The following ADGRF3 variants were observed in gnomAD, a reference collection of about 807,000 sequenced individuals.
ADGRF3 encodes G protein-coupled receptor 113.
A neutral mutation model predicts 93.2 loss-of-function variants in ADGRF3; 85 were observed. The observed-to-expected ratio is 0.91, with a 90% CI of 0.77 to 1.09. ADGRF3 has a LOEUF of 1.09. Among genes scored for constraint, ADGRF3 ranks in the 50% least tolerant of loss-of-function variants. ADGRF3 has a pLI of 0.00. For synonymous variants in ADGRF3, 534 were observed against 532.5 expected (o/e 1.00, Z -0.04); for missense variants, 1,125 against 1,246.2 (o/e 0.90, Z 1.46).
At chr2:26,344,018 T>A (rs1270608536) in intron 1 of ADGRF3, among the ~76,000 whole-genome samples, 2 of 152,246 alleles carry the variant, frequency 1.3e-5, no homozygotes, top group African/African-American at 4.8e-5. Flanking sequence ...ATCAATCATG[T>A]CATTTTGAGT....
chr2:26,319,585 T>TCTTTCTCTCCCTC (rs1675008771), intron 1 of ADGRF3, among the ~76,000 whole-genome samples: 10 of 54,508 alleles, frequency 1.8e-4, no homozygotes, highest in South Asian at 8.5e-4. Flanking sequence ...CTTCCTTCCT[T>TCTTTCTCTCCCTC]CCTTCCTTCC....
intron 1 of ADGRF3, among the ~76,000 whole-genome samples, chr2:26,341,279 G>C (rs1676381973): frequency 6.6e-6 from 1 of 152,160 alleles, no homozygotes; most frequent in African/African-American, 2.4e-5. Context: ...CTCAGAGTCT[G>C]AGGCAGGAGA....
chr2:26,321,969 CAAA>C (rs112854920), intron 1 of ADGRF3, among the ~76,000 whole-genome samples: 2 of 55,322 alleles, frequency 3.6e-5, no homozygotes, highest in African/African-American at 6.6e-5. Flanking sequence ...TGAGACTCCT[CAAA>C]AAAAAAAAAA....
chr2:26,321,157 C>A (rs1675126257), intron 1 of ADGRF3, among the ~76,000 whole-genome samples: 1 of 152,144 alleles, frequency 6.6e-6, no homozygotes, highest in Admixed American at 6.5e-5. Context: ...ACCTCCACCT[C>A]CACCTCCAAT....
In ADGRF3 at chr2:26,316,107, C is replaced by G. The variant is rs2147881182; in HGVS notation, c.499+168G>C. On this transcript the variant is annotated intron_variant, in intron 4 of 13. Coordinates refer to ENST00000651242, the MANE Select transcript of ADGRF3 (RefSeq NM_001321971.2). ...TCTCATTAGTCTCCCTACTCAGGTT[C>G]CAAGCTCAGGGCCTGTGATCTGCTA... 5.7e-6 allele frequency: 4 copies of G among 695,776 alleles called. No individual in the cohort carries two copies. The South Asian group carries it at 7.8e-5, about 14-fold the overall frequency. 43.1% of individuals were successfully genotyped at this position (695,776 alleles called of 1,614,324 possible). A position where few individuals can be genotyped will look rare whatever the true frequency, so the allele number is the denominator to read the frequency against.
At chr2:26,327,482 C>T (rs760037626) in intron 1 of ADGRF3, among the ~76,000 whole-genome samples, 9 of 151,934 alleles carry the variant, frequency 5.9e-5, no homozygotes, top group Non-Finnish European at 1.3e-4. Context: ...TCAGAAAAAC[C>T]AAGGATGCTG....
Position 26,311,678 on chromosome 2 carries a change from G to A in ADGRF3, c.1846C>T (p.Leu616=). The A allele has an allele frequency of 6.2e-7, 1 of 1,613,450 alleles. No individual in the cohort carries two copies. Among genetic ancestry groups the A allele is most frequent in the Non-Finnish European group, 8.5e-7 (1 of 1,179,826 alleles). The change falls in exon 10 of 14, where the codon CTG becomes TTG. Residue 616 remains leucine, a synonymous_variant. Coordinates refer to ENST00000651242, the MANE Select transcript of ADGRF3 (RefSeq NM_001321971.2). ...LGDSLYATPG[L]VLVISIMAGD... ...GCCATGATGGAAATGACAAGGACCA[G>A]GCCAGGAGTGGCATAGAGGGAATCC...
chr2:26,324,914 C>A (rs1675360960), intron 1 of ADGRF3, among the ~76,000 whole-genome samples: 1 of 152,218 alleles, frequency 6.6e-6, no homozygotes, highest in Admixed American at 6.5e-5. Flanking sequence ...TCCACAATGG[C>A]TGAACTAATT....
chr2:26,313,301 G>T (rs1674354384), intron 8 of ADGRF3, 76 bp downstream of exon 8: 4 of 1,442,722 alleles, frequency 2.8e-6, no homozygotes, highest in Middle Eastern at 1.9e-4. Flanking sequence ...TGGGGAAAAG[G>T]GTCTGCAAGC....
Position 26,311,520 on chromosome 2 carries a change from T to TG in ADGRF3, c.2003dup (p.Gln669ThrfsTer315), listed in dbSNP as rs756595231. 3 of 1,613,992 alleles carry TG rather than the reference T, an allele frequency of 1.9e-6. No homozygotes were observed. The highest frequency in any genetic ancestry group is 2.5e-6 in the Non-Finnish European group (3 of 1,179,890). Reference sequence around the variant, plus strand: ...CAGTGGGGCTGGCACTGGCCACCTGTGCCTGGCACCCTTCTTTGGACCAAC... The same window carrying TG: ...CAGTGGGGCTGGCACTGGCCACCTGTGGCCTGGCACCCTTCTTTGGACCAAC... On this transcript the variant is annotated frameshift_variant, in exon 10 of 14. Coordinates refer to ENST00000651242, the MANE Select transcript of ADGRF3 (RefSeq NM_001321971.2). LOFTEE classifies it high-confidence loss of function.
At chr2:26,310,007 G>C in intron 12 of ADGRF3, 36 bp downstream of exon 12, 1 of 1,614,074 alleles carries the variant, frequency 6.2e-7, no homozygotes, top group Non-Finnish European at 8.5e-7. Context: ...ACATGCTCTT[G>C]GATGCACAGC....
chr2:26,317,438 A>G, intron 2 of ADGRF3, 58 bp downstream of exon 2: 1 of 1,500,434 alleles, frequency 6.7e-7, no homozygotes, highest in Admixed American at 2.0e-5. Context: ...CTGGGTTTCC[A>G]CCTCATTCCC....
intron 1 of ADGRF3, among the ~76,000 whole-genome samples, chr2:26,330,706 T>C (rs1340646560): frequency 2.0e-5 from 3 of 152,172 alleles, no homozygotes; most frequent in Admixed American, 2.0e-4. Flanking sequence ...TCCTTCCCTC[T>C]CCTTGAGCCA....
At chr2:26,331,948 T>C (rs1266902094) in intron 1 of ADGRF3, among the ~76,000 whole-genome samples, 1 of 152,212 alleles carries the variant, frequency 6.6e-6, no homozygotes, top group African/African-American at 2.4e-5. Flanking sequence ...CTTTTTCTGC[T>C]CCTTTTTTTC....
At chr2:26,331,673 T>A (rs1675777201) in intron 1 of ADGRF3, among the ~76,000 whole-genome samples, 1 of 152,148 alleles carries the variant, frequency 6.6e-6, no homozygotes, top group South Asian at 2.1e-4. Flanking sequence ...GAGGCTGCGG[T>A]GAGCTATGAT....
intron 9 of ADGRF3, among the ~76,000 whole-genome samples, chr2:26,312,682 C>T (rs1289670249): frequency 1.3e-5 from 2 of 152,216 alleles, no homozygotes; most frequent in Admixed American, 6.5e-5. Flanking sequence ...CGCCTGCATG[C>T]GCACACACGC....
intron 1 of ADGRF3, among the ~76,000 whole-genome samples, chr2:26,324,797 T>C (rs1290586099): frequency 1.4e-4 from 22 of 152,252 alleles, no homozygotes; most frequent in Admixed American, 1.4e-3. Context: ...CATGCATATG[T>C]CTTTATAAAA....
intron 1 of ADGRF3, among the ~76,000 whole-genome samples, chr2:26,337,352 G>A (rs1245742941): frequency 6.6e-6 from 1 of 152,196 alleles, no homozygotes; most frequent in Non-Finnish European, 1.5e-5. Context: ...CAGCTTCATT[G>A]AGATATGATT....
chr2:26,321,698 G>T (rs1360831219), intron 1 of ADGRF3, among the ~76,000 whole-genome samples: 1 of 152,112 alleles, frequency 6.6e-6, no homozygotes. Flanking sequence ...GAGGCTGGGC[G>T]CGGTGGCTCA....
Sources: gnomAD v4.1 joint callset for allele counts (sites outside exome capture counted in the v4.1 genomes callset) on GRCh38, gnomAD v4.1.1 for gene constraint, MANE v1.5 for transcripts, NCBI Gene and HGNC (gene_info 2026-07-23, HGNC 2026-07-21) for gene names.